Variants in DDX51 observed in about 807,000 individuals in gnomAD.
DDX51 encodes ATP-dependent RNA helicase DDX51.
Under a neutral mutation model 74.6 loss-of-function variants are expected in DDX51, and 67 were observed. The ratio of observed to expected loss-of-function variants is 0.90; its 90% confidence interval spans 0.74 to 1.10. The LOEUF is 1.10. DDX51 is among the 50% of genes least tolerant of loss of function. The pLI is 0.00. For missense variants in DDX51, 1,056 were observed against 905.2 expected, an observed-to-expected ratio of 1.17 and a Z score of -2.14; for synonymous variants, 545 against 402.9, an observed-to-expected ratio of 1.35 and a Z score of -4.22.
At position 132,144,202 on chromosome 12, in the gene DDX51, C is replaced by T. The variant is rs1001533438; in HGVS notation, c.95G>A (p.Arg32His). ...GCTCTGCAGCCGCTCGAGCAGCGCG[C>T]GGGCCCTGCCGTGCGCCCCGGCCTC... ...GAEAGAHGRA[R>H]ALLERLQSRA... Residue 32 changes from arginine to histidine, a missense_variant, in exon 1 of 15, where the codon CGC becomes CAC. Physicochemically the swap from Arg to His is conservative, Grantham distance 29. Transcript: ENST00000397333. 19 of 1,187,814 alleles carry T rather than the reference C, an allele frequency of 1.6e-5. No homozygotes were observed. In the African/African-American group the frequency reaches 2.6e-4, roughly 16 times the overall value. 73.6% of individuals were successfully genotyped at this position (1,187,814 alleles called of 1,614,324 possible). A position where few individuals can be genotyped will look rare whatever the true frequency, so the allele number is the denominator to read the frequency against.
In DDX51 at chr12:132,142,438, C is replaced by T. The variant is rs1279732934; in HGVS notation, c.671-16G>A. 14 of 1,609,386 alleles carry T rather than the reference C, an allele frequency of 8.7e-6. No homozygotes were observed. The highest frequency in any genetic ancestry group is 1.7e-5 in the Admixed American group (1 of 59,950). ...GCTGCCTGGACTGGATGAGGAAAGG[C>T]GAGAGAGAAGTCGTGTTTACGCCTA... is the stretch of plus-strand genomic sequence containing the variant. On this transcript the variant is annotated splice_polypyrimidine_tract_variant and intron_variant, in intron 3 of 14. Coordinates refer to ENST00000397333, the MANE Select transcript of DDX51 (RefSeq NM_175066.4).
intron 5 of DDX51, 31 bp from the exon 6 acceptor site, chr12:132,141,987 G>A (rs543781716): frequency 8.8e-5 from 141 of 1,610,574 alleles, no homozygotes; most frequent in Admixed American, 2.0e-4. Context: ...TGGCCTGGAG[G>A]TAGCTGGTGT....
intron 7 of DDX51, 27 bp downstream of exon 7, chr12:132,141,470 AG>A: frequency 6.3e-7 from 1 of 1,580,528 alleles, no homozygotes; most frequent in Non-Finnish European, 8.6e-7. Flanking sequence ...CTGAGCTCAA[AG>A]CCCAGGCCCC....
chr12:132,143,698 C>A lies in DDX51; in HGVS notation c.516G>T (p.Pro172=). Residue 172 remains proline (P), a synonymous_variant, in exon 2 of 15, where the codon CCG becomes CCT. Coordinates refer to ENST00000397333, the MANE Select transcript of DDX51 (RefSeq NM_175066.4). ...CCTCCCGCCCGCCGAGGCTCACCTT[C>A]GGCGCCTTCCTCTTCCCGAACCCCC... ...VLGGFGKRKA[P]KVQPFLPRWL... 6.5e-7 allele frequency: 1 copy of A among 1,538,000 alleles called. No individual in the cohort carries two copies. Among genetic ancestry groups the A allele is most frequent in the Non-Finnish European group, 8.7e-7 (1 of 1,144,620 alleles).
chr12:132,138,358 G>C lies in DDX51; in HGVS notation c.*914C>G, dbSNP rs1166026128. On this transcript the variant is annotated 3_prime_UTR_variant, in exon 15 of 15. Transcript: ENST00000397333. The stretch of plus-strand genomic sequence containing the variant: ...GACGGAGTCTCACTCTGTTGCCCAG[G>C]CTGGAGTGCAGTGGCGCAGTCTCCG... 1 of 152,402 alleles carries C rather than the reference G, an allele frequency of 6.6e-6. No individual in the cohort carries two copies. Among genetic ancestry groups the C allele is most frequent in the Admixed American group, 6.5e-5 (1 of 15,286 alleles). 9.4% of individuals were successfully genotyped at this position (152,402 alleles called of 1,614,324 possible).
rs1278268174 is a variant in DDX51 at position 132,141,765 on chromosome 12, CCCT to C, written c.995+82_995+84del. 7.3e-6 allele frequency: 11 copies of C among 1,510,932 alleles called. No homozygotes were observed. In the Middle Eastern group the frequency reaches 5.5e-4, roughly 75 times the overall value. The allele number at this position is 1,510,932 out of a possible 1,614,324, so 93.6% of individuals were successfully genotyped here. On this transcript the variant is annotated intron_variant, in intron 6 of 14. Coordinates refer to ENST00000397333, the MANE Select transcript of DDX51 (RefSeq NM_175066.4). ...GGAACAGGTGGTTAAAGATGGTGGC[CCCT>C]CCTCTGCTCCCACGGTGCCTCAGGC...
rs75885895 is a variant in DDX51 at position 132,141,046 on chromosome 12, C to A, written c.1251-26G>T. The A allele has an allele frequency of 8.6e-4, 1,356 of 1,572,216 alleles. 10 individuals carry two copies. The African/African-American group carries it at 0.015, about 18-fold the overall frequency. ...CTGGAAGAGAAGGGGGTGTTGCTGG[C>A]ACCCTACCAGTGGCTGCCCCGAACC... On this transcript the variant is annotated intron_variant, in intron 8 of 14. Coordinates refer to ENST00000397333, the MANE Select transcript of DDX51 (RefSeq NM_175066.4).
At chr12:132,140,773 T>A in intron 9 of DDX51, 38 bp from the exon 10 acceptor site, 1 of 1,612,502 alleles carries the variant, frequency 6.2e-7, no homozygotes, top group Non-Finnish European at 8.5e-7. Flanking sequence ...GAGGTGAGGG[T>A]TGGTTAGGGG....
At chr12:132,141,682 A>G in intron 6 of DDX51, 76 bp from the exon 7 acceptor site, 3 of 1,500,698 alleles carry the variant, frequency 2.0e-6, no homozygotes, top group Non-Finnish European at 2.7e-6. Flanking sequence ...GCCTCACCCC[A>G]CAGCCCCGAC....
chr12:132,141,793 C>A, intron 6 of DDX51, 57 bp downstream of exon 6: 1 of 1,583,276 alleles, frequency 6.3e-7, no homozygotes, highest in South Asian at 1.1e-5. Context: ...GTGCCTCAGG[C>A]CACCTGCAGG....
At chr12:132,140,288 C>G (rs1593418998) in intron 11 of DDX51, 89 bp from the exon 12 acceptor site, 1 of 1,562,590 alleles carries the variant, frequency 6.4e-7, no homozygotes, top group East Asian at 2.2e-5. Flanking sequence ...TCAGGCCTTT[C>G]TGGGAACTGG....
chr12:132,140,129 C>A lies in DDX51; in HGVS notation c.1744G>T (p.Ala582Ser). 6.2e-7 allele frequency: 1 copy of A among 1,612,650 alleles called. No individual in the cohort carries two copies. Among genetic ancestry groups the A allele is most frequent in the Non-Finnish European group, 8.5e-7 (1 of 1,179,922 alleles). ...QGVELVVNYD[A>S]PQYLRTYVHR... Reference sequence around the variant, plus strand: ...ACGTAGGTTCTCAGGTACTGGGGGGCGTCGTAGTTCACCACCAGCTCCACA... The same window carrying A: ...ACGTAGGTTCTCAGGTACTGGGGGGAGTCGTAGTTCACCACCAGCTCCACA... Residue 582 changes from alanine to serine, a missense_variant, in exon 12 of 15, where the codon GCC (alanine) becomes TCC (serine). By Grantham distance (99) the Ala-to-Ser change is moderately conservative. Coordinates refer to ENST00000397333, the MANE Select transcript of DDX51 (RefSeq NM_175066.4).
chr12:132,143,592 G>T, intron 2 of DDX51, 103 bp downstream of exon 2: 1 of 1,432,528 alleles, frequency 7.0e-7, no homozygotes, highest in Non-Finnish European at 9.4e-7. Context: ...GCTGTGACCC[G>T]GGAACATTCG....
intron 12 of DDX51, 62 bp from the exon 13 acceptor site, chr12:132,139,986 A>T (rs1897383433): frequency 1.2e-6 from 2 of 1,610,616 alleles, no homozygotes; most frequent in Non-Finnish European, 1.7e-6. Flanking sequence ...TGACGGAACG[A>T]CAGCTTCTCT....
chr12:132,144,286 A>T lies in DDX51; in HGVS notation c.11T>A (p.Phe4Tyr). 1.5e-6 allele frequency: 2 copies of T among 1,324,806 alleles called. No individual in the cohort carries two copies. The allele number at this position is 1,324,806 out of a possible 1,614,324, so 82.1% of individuals were successfully genotyped here. A position where few individuals can be genotyped will look rare whatever the true frequency, so the allele number is the denominator to read the frequency against. The stretch of plus-strand genomic sequence containing the variant: ...GGGGCCCGGGTACCGCGCGACGTAG[A>T]ACAGCGCCATGGCCAGCCGCACGCC... MAL[F>Y]YVARYPGPDA... Residue 4 changes from phenylalanine to tyrosine, a missense_variant, in exon 1 of 15, where the codon TTC becomes TAC. By Grantham distance (22) the Phe-to-Tyr change is conservative. Coordinates refer to ENST00000397333, the MANE Select transcript of DDX51 (RefSeq NM_175066.4).
Position 132,139,260 on chromosome 12 carries a change from C to CT in DDX51, c.*11dup, listed in dbSNP as rs772576157. 4.0e-5 allele frequency: 65 copies of CT among 1,607,776 alleles called. No homozygotes were observed. The highest frequency in any genetic ancestry group is 5.2e-5 in the Non-Finnish European group (61 of 1,178,612). On this transcript the variant is annotated 3_prime_UTR_variant, in exon 15 of 15. Transcript: ENST00000397333. ...GTGAGCGTTCAGTCCCTCCGGCCCT[C>CT]TGAGCCCCAGCCTAGGCCGCCCTCT...
chr12:132,139,910 G>A lies in DDX51; in HGVS notation c.1790C>T (p.Ala597Val). The change falls in exon 13 of 15, where the codon GCT (alanine) becomes GTT (valine). Residue 597 changes from alanine to valine, a missense_variant. Physicochemically the swap from Ala to Val is moderately conservative, Grantham distance 64. Coordinates refer to ENST00000397333, the MANE Select transcript of DDX51 (RefSeq NM_175066.4). ...GGCCTGTCCAGTTTTCCCAGCGCGAGCTGTCCTCCCAACCCTGGAATCAAA... is the reference window on the plus strand; with the variant it reads ...GGCCTGTCCAGTTTTCCCAGCGCGAACTGTCCTCCCAACCCTGGAATCAAA... Reference protein sequence around the residue: ...RTYVHRVGRTARAGKTGQAFT... With the variant: ...RTYVHRVGRTVRAGKTGQAFT... The A allele has an allele frequency of 6.2e-7, 1 of 1,613,078 alleles. No homozygotes were observed. Among genetic ancestry groups the A allele is most frequent in the Non-Finnish European group, 8.5e-7 (1 of 1,179,986 alleles).
In DDX51 at chr12:132,140,820, A is replaced by G; in HGVS notation, c.1440+11T>C. 6.2e-7 allele frequency: 1 copy of G among 1,613,426 alleles called. No individual in the cohort carries two copies. Among genetic ancestry groups the G allele is most frequent in the Non-Finnish European group, 8.5e-7 (1 of 1,179,966 alleles). On this transcript the variant is annotated intron_variant, in intron 9 of 14. Coordinates refer to ENST00000397333, the MANE Select transcript of DDX51 (RefSeq NM_175066.4). ...CAGTGCAACCCTCTGCCCACACGGT[A>G]TCCCACTCACCGTGAGCCCAACAGG... is the stretch of plus-strand genomic sequence containing the variant.
intron 2 of DDX51, chr12:132,143,116 C>T: frequency 1.8e-6 from 1 of 544,404 alleles, no homozygotes; most frequent in East Asian, 3.5e-5. Flanking sequence ...ACCCACCCTC[C>T]CGCAGCCAGG....
Sources: gnomAD v4.1 joint callset for allele counts on GRCh38, gnomAD v4.1.1 for gene constraint, MANE v1.5 for transcripts, NCBI Gene and HGNC (gene_info 2026-07-23, HGNC 2026-07-21) for gene names.